Variants in JAZF1 observed in about 807,000 individuals in gnomAD.
JAZF1 encodes the protein juxtaposed with another zinc finger protein 1.
In JAZF1, 8 loss-of-function variants were observed where a neutral mutation model predicts 26.4. That is an observed-to-expected ratio of 0.30 (90% CI 0.18 to 0.55). JAZF1 has a LOEUF of 0.55. Among genes scored for constraint, JAZF1 ranks in the 20% least tolerant of loss-of-function variants. The pLI is 0.94. For missense variants in JAZF1, 199 were observed against 322.0 expected, an observed-to-expected ratio of 0.62 and a Z score of 2.92; for synonymous variants, 126 against 122.3, an observed-to-expected ratio of 1.03 and a Z score of -0.20.
chr7:28,001,146 G>A (rs1332149779), intron 1 of JAZF1, among the ~76,000 whole-genome samples: 2 of 151,788 alleles, frequency 1.3e-5, no homozygotes, highest in Non-Finnish European at 2.9e-5. Flanking sequence ...TTGAAGTCAG[G>A]AGTTCGAGAC....
chr7:28,011,410 G>A (rs765857958), intron 1 of JAZF1, among the ~76,000 whole-genome samples: 1 of 151,870 alleles, frequency 6.6e-6, no homozygotes, highest in African/African-American at 2.4e-5. Context: ...TGATAACAAG[G>A]AGACATTAAT....
chr7:27,931,602 G>A (rs1393514665), intron 2 of JAZF1, among the ~76,000 whole-genome samples: 1 of 152,084 alleles, frequency 6.6e-6, no homozygotes, highest in African/African-American at 2.4e-5. Flanking sequence ...ATCACCTGAG[G>A]GTCAGGAGTT....
chr7:28,075,982 T>A (rs1044932037), intron 1 of JAZF1, among the ~76,000 whole-genome samples: 2 of 152,234 alleles, frequency 1.3e-5, no homozygotes, highest in Non-Finnish European at 2.9e-5. Context: ...GAATCCATTG[T>A]ACAAGAATGC....
intron 3 of JAZF1, among the ~76,000 whole-genome samples, chr7:27,873,191 C>A (rs1783616238): frequency 6.6e-6 from 1 of 152,190 alleles, no homozygotes; most frequent in South Asian, 2.1e-4. Context: ...CCGACAAGGT[C>A]TTCATACTTC....
chr7:27,886,754 T>C (rs1783872340), intron 3 of JAZF1, among the ~76,000 whole-genome samples: 1 of 152,200 alleles, frequency 6.6e-6, no homozygotes, highest in African/African-American at 2.4e-5. Flanking sequence ...CTTTTCTGTA[T>C]CCCCAATACT....
chr7:27,921,658 G>A (rs1184032226), intron 2 of JAZF1, among the ~76,000 whole-genome samples: 1 of 152,102 alleles, frequency 6.6e-6, no homozygotes, highest in Non-Finnish European at 1.5e-5. Flanking sequence ...TGCAGTGTTA[G>A]GGATTATATC....
rs972067508 is a variant in JAZF1 at position 27,830,960 on chromosome 7, T to TAGAA, written c.*1836_*1839dup. ...TGATCCAGCCTGCAGTTTCTTGCAC[T>TAGAA]AGAAAGAGCGAAGCTAAATAATAAT... On this transcript the variant is annotated 3_prime_UTR_variant, in exon 5 of 5. Transcript: ENST00000283928. The TAGAA allele has an allele frequency of 6.0e-4, 131 of 218,614 alleles. No individual in the cohort carries two copies. The highest frequency in any genetic ancestry group is 2.8e-3 in the African/African-American group (123 of 44,646). 13.5% of individuals were successfully genotyped at this position (218,614 alleles called of 1,614,324 possible). A position where few individuals can be genotyped will look rare whatever the true frequency, so the allele number is the denominator to read the frequency against.
chr7:28,065,783 T>C (rs1482786478), intron 1 of JAZF1, among the ~76,000 whole-genome samples: 1 of 152,142 alleles, frequency 6.6e-6, no homozygotes, highest in African/African-American at 2.4e-5. Flanking sequence ...TCTTTTTAAA[T>C]GGGAAAAGGC....
At chr7:27,998,466 C>T (rs1786067383) in intron 1 of JAZF1, among the ~76,000 whole-genome samples, 1 of 151,960 alleles carries the variant, frequency 6.6e-6, no homozygotes, top group Non-Finnish European at 1.5e-5. Flanking sequence ...TTGGCAACGG[C>T]CCTTTAAAAA....
intron 2 of JAZF1, among the ~76,000 whole-genome samples, chr7:27,959,202 G>A (rs935841114): frequency 6.6e-6 from 1 of 152,224 alleles, no homozygotes; most frequent in African/African-American, 2.4e-5. Flanking sequence ...GACATCAGGT[G>A]TCCCAGTGCT....
intron 1 of JAZF1, among the ~76,000 whole-genome samples, chr7:28,035,625 A>C (rs1783279643): frequency 6.6e-6 from 1 of 152,122 alleles, no homozygotes; most frequent in African/African-American, 2.4e-5. Context: ...ACTTTTGGGA[A>C]GGGCTGGACG....
intron 2 of JAZF1, among the ~76,000 whole-genome samples, chr7:27,971,439 G>A (rs115230333): frequency 1.0e-3 from 155 of 152,288 alleles, no homozygotes; most frequent in African/African-American, 3.5e-3. Flanking sequence ...TAGAAACTGG[G>A]AACACAGAGC....
rs562845720 is a variant in JAZF1, at chr7:27,856,369, C to T, written c.386-15502G>A. Among the ~76,000 whole-genome samples the T allele has an allele frequency of 2.0e-5, 3 of 152,294 alleles. No homozygotes were observed. In the South Asian group the frequency reaches 6.2e-4, roughly 32 times the overall value. ...CAGTGAGTGTTACAGCTCATAAAGGCAGTGTGGACCCAAAGAGTGAGCAGC... is the reference window on the plus strand; with the variant it reads ...CAGTGAGTGTTACAGCTCATAAAGGTAGTGTGGACCCAAAGAGTGAGCAGC... On this transcript the variant is annotated intron_variant, in intron 3 of 4. Transcript: ENST00000283928.
At chr7:27,870,053 C>T (rs867708772) in intron 3 of JAZF1, among the ~76,000 whole-genome samples, 17 of 150,972 alleles carry the variant, frequency 1.1e-4, no homozygotes, top group Admixed American at 2.6e-4. Flanking sequence ...GTATTACAGG[C>T]GCACACTGCC....
intron 2 of JAZF1, among the ~76,000 whole-genome samples, chr7:27,978,197 A>G (rs1325196413): frequency 6.6e-6 from 1 of 152,186 alleles, no homozygotes; most frequent in Non-Finnish European, 1.5e-5. Flanking sequence ...TATTCATTCA[A>G]TAAATACTTA....
intron 2 of JAZF1, among the ~76,000 whole-genome samples, chr7:27,912,814 C>A (rs1462484228): frequency 6.6e-6 from 1 of 152,012 alleles, no homozygotes; most frequent in African/African-American, 2.4e-5. Flanking sequence ...GCAGAAAGTG[C>A]ACAAACAGAA....
At chr7:28,083,760 G>A (rs1273238189) in intron 1 of JAZF1, among the ~76,000 whole-genome samples, 1 of 151,846 alleles carries the variant, frequency 6.6e-6, no homozygotes, top group African/African-American at 2.4e-5. Context: ...AGCCTTGTCC[G>A]CTGACCCAGC....
intron 1 of JAZF1, among the ~76,000 whole-genome samples, chr7:28,001,354 A>AC (rs1786156476): frequency 6.6e-6 from 1 of 151,134 alleles, no homozygotes; most frequent in African/African-American, 2.5e-5. Flanking sequence ...CCTGTCTCAA[A>AC]AAAAACAAAA....
At chr7:27,967,975 T>C (rs191426029) in intron 2 of JAZF1, among the ~76,000 whole-genome samples, 1 of 152,308 alleles carries the variant, frequency 6.6e-6, no homozygotes, top group African/African-American at 2.4e-5. Flanking sequence ...CTTATAATAA[T>C]ATATTAGAAA....
Sources: allele counts gnomAD v4.1 joint callset (sites outside exome capture counted in the v4.1 genomes callset), GRCh38; gene constraint gnomAD v4.1.1; transcripts MANE v1.5; gene names NCBI Gene and HGNC (gene_info 2026-07-23, HGNC 2026-07-21).